Variants in PDE11A observed in about 807,000 individuals in gnomAD.
The protein encoded by PDE11A is dual 3',5'-cyclic-AMP and -GMP phosphodiesterase 11A.
Under a neutral mutation model 100.5 loss-of-function variants are expected in PDE11A, and 100 were observed. The ratio of observed to expected loss-of-function variants is 1.00; its 90% CI spans 0.85 to 1.18. PDE11A has a LOEUF of 1.18. PDE11A is among the 50% of genes most tolerant of loss of function. PDE11A has a pLI of 0.00. For missense variants in PDE11A, 1,141 were observed against 1,152.6 expected (o/e 0.99, Z 0.15); for synonymous variants, 381 against 420.8 (o/e 0.91, Z 1.16).
chr2:177,745,929 A>G (rs1019006946), intron 10 of PDE11A, among the ~76,000 whole-genome samples: 2 of 152,130 alleles, frequency 1.3e-5, no homozygotes, highest in Non-Finnish European at 2.9e-5. Flanking sequence ...AGAGGTTGAT[A>G]ACCACCTGCC....
At chr2:177,701,850 A>G (rs2081202575) in intron 13 of PDE11A, among the ~76,000 whole-genome samples, 1 of 152,172 alleles carries the variant, frequency 6.6e-6, no homozygotes, top group African/African-American at 2.4e-5. Flanking sequence ...GGAACTCTGA[A>G]AAGTTCTCTG....
chr2:177,784,838 C>T (rs1413924768), intron 9 of PDE11A, among the ~76,000 whole-genome samples: 5 of 152,170 alleles, frequency 3.3e-5, no homozygotes, highest in Non-Finnish European at 7.3e-5. Flanking sequence ...GTTTTGAGCA[C>T]AGAAATCAGA....
chr2:177,870,776 T>C (rs1172163134), intron 5 of PDE11A, among the ~76,000 whole-genome samples: 1 of 152,244 alleles, frequency 6.6e-6, no homozygotes, highest in East Asian at 1.9e-4. Flanking sequence ...GGATAATTCA[T>C]GTGCAGTACT....
In PDE11A at chr2:178,080,624, C is replaced by T. The variant is rs1251373332; in HGVS notation, c.162+23678G>A. On this transcript the variant is annotated intron_variant, in intron 2 of 20. Transcript: ENST00000358450. ...TCTTCTTAATTGCCATGCCTTTATT[C>T]ACTAAATCAAAAATAATTAATCATT... is the stretch of plus-strand genomic sequence containing the variant. Among the ~76,000 whole-genome samples the T allele has an allele frequency of 5.1e-4, 78 of 152,102 alleles. 2 individuals are homozygous for T. Among genetic ancestry groups the T allele is most frequent in the Non-Finnish European group, 7.4e-5 (5 of 67,990 alleles).
intron 9 of PDE11A, among the ~76,000 whole-genome samples, chr2:177,791,303 T>C (rs1236925686): frequency 6.8e-6 from 1 of 146,602 alleles, no homozygotes; most frequent in Non-Finnish European, 1.5e-5. Flanking sequence ...AGCCAAACAC[T>C]GCATGTTCTC....
chr2:178,039,915 TAGGA>T (rs1223436204), intron 1 of PDE11A, among the ~76,000 whole-genome samples: 4 of 151,982 alleles, frequency 2.6e-5, no homozygotes, highest in African/African-American at 9.7e-5. Flanking sequence ...GCATATTGTA[TAGGA>T]AAACAAAGAT....
In PDE11A at chr2:178,072,133, C is replaced by A. The variant is rs201934930; in HGVS notation, c.305G>T (p.Trp102Leu). The change falls in exon 1 of 20, where the codon TGG (tryptophan) becomes TTG (leucine). Residue 102 changes from tryptophan to leucine, a missense_variant. Physicochemically the swap from Trp to Leu is moderately conservative, Grantham distance 61. Transcript: ENST00000286063. Reference sequence around the variant, plus strand: ...CCCATCGCCCCTGCTGCCACCGGCCCAGCTGGGACTCAAGGGAACCCCACC... The same window carrying A: ...CCCATCGCCCCTGCTGCCACCGGCCAAGCTGGGACTCAAGGGAACCCCACC... ...DCGGVPLSPS[W>L]AGGSRGDGNL... The A allele has an allele frequency of 2.1e-5, 34 of 1,613,904 alleles. No homozygotes were observed. In the East Asian group the frequency reaches 7.4e-4, roughly 35 times the overall value.
intron 9 of PDE11A, among the ~76,000 whole-genome samples, chr2:177,797,581 T>G (rs35611922): frequency 0.4 from 60,896 of 151,804 alleles, 15,045 homozygotes; most frequent in East Asian, 0.63. Context: ...GAAAGAAAAA[T>G]TTTAAACAAA....
intron 10 of PDE11A, among the ~76,000 whole-genome samples, chr2:177,758,481 C>A (rs544341373): frequency 6.6e-6 from 1 of 152,096 alleles, no homozygotes; most frequent in African/African-American, 2.4e-5. Context: ...CTCAACAGAG[C>A]TACCATTTCA....
At chr2:177,763,810 G>C (rs1396859637) in intron 10 of PDE11A, among the ~76,000 whole-genome samples, 1 of 152,212 alleles carries the variant, frequency 6.6e-6, no homozygotes, top group Non-Finnish European at 1.5e-5. Context: ...TGCACAGGGC[G>C]GTGGCTAGCG....
intron 2 of PDE11A, among the ~76,000 whole-genome samples, chr2:177,999,740 G>A (rs1160088568): frequency 6.6e-6 from 1 of 152,082 alleles, no homozygotes; most frequent in Admixed American, 6.6e-5. Flanking sequence ...GCCTTCTGAT[G>A]GTGTCAATTA....
chr2:177,684,156 T>A (rs2080908390), intron 15 of PDE11A, among the ~76,000 whole-genome samples: 1 of 152,216 alleles, frequency 6.6e-6, no homozygotes, highest in African/African-American at 2.4e-5. Context: ...TTATTGAACA[T>A]CTACTCTGTA....
intron 19 of PDE11A, among the ~76,000 whole-genome samples, chr2:177,630,224 G>A (rs1025199341): frequency 2.0e-5 from 3 of 152,210 alleles, no homozygotes; most frequent in South Asian, 2.1e-4. Context: ...GCAGATGGAC[G>A]ACCAGGCTGA....
chr2:177,984,407 G>A (rs966017352), intron 2 of PDE11A, among the ~76,000 whole-genome samples: 9 of 152,158 alleles, frequency 5.9e-5, no homozygotes, highest in Admixed American at 1.3e-4. Flanking sequence ...TTTTAACTGA[G>A]TGAAAACAAC....
intron 5 of PDE11A, among the ~76,000 whole-genome samples, chr2:177,847,246 A>G (rs909831064): frequency 6.6e-6 from 1 of 152,180 alleles, no homozygotes; most frequent in Non-Finnish European, 1.5e-5. Context: ...TCATTCTAGA[A>G]CCTATTTCTA....
At chr2:178,011,981 T>C (rs1210797265) in intron 2 of PDE11A, 1 of 152,266 alleles carries the variant, frequency 6.6e-6, no homozygotes, top group African/African-American at 2.4e-5. Flanking sequence ...GAATCACTTC[T>C]AGATTTTGTC....
chr2:177,835,125 C>A (rs1392284485), intron 6 of PDE11A, among the ~76,000 whole-genome samples: 4 of 152,134 alleles, frequency 2.6e-5, no homozygotes, highest in African/African-American at 9.7e-5. Flanking sequence ...GCACTGACAC[C>A]TATCGATAGC....
intron 12 of PDE11A, among the ~76,000 whole-genome samples, chr2:177,723,628 G>C (rs1381213814): frequency 1.3e-5 from 2 of 152,078 alleles, no homozygotes; most frequent in Non-Finnish European, 2.9e-5. Context: ...TGGACACTGA[G>C]CAACATGGTT....
intron 2 of PDE11A, among the ~76,000 whole-genome samples, chr2:177,956,502 T>C (rs975630582): frequency 2.4e-4 from 36 of 152,118 alleles, no homozygotes; most frequent in African/African-American, 6.8e-4. Context: ...GTCAGTGTGG[T>C]GATTCCTCAG....
Sources: gnomAD v4.1 joint callset for allele counts (sites outside exome capture counted in the v4.1 genomes callset) on GRCh38, gnomAD v4.1.1 for gene constraint, MANE v1.5 for transcripts, NCBI Gene and HGNC (gene_info 2026-07-23, HGNC 2026-07-21) for gene names.